AFF4: variants seen among roughly 807,000 people sequenced by gnomAD.
The protein encoded by AFF4 is ALF transcription elongation factor 4, also known as AF4/FMR2 family member 4.
Under a neutral mutation model 124.8 loss-of-function variants are expected in AFF4, and 13 were observed. The ratio of observed to expected loss-of-function variants is 0.10; its 90% confidence interval spans 0.07 to 0.17. The LOEUF (loss-of-function observed/expected upper bound fraction) is 0.17. Ranked by LOEUF, AFF4 falls within the 10% of genes least tolerant of loss-of-function variation. AFF4 has a pLI of 1.00. For synonymous variants in AFF4, 477 were observed against 496.1 expected (o/e 0.96, Z 0.51); for missense variants, 1,092 against 1,403.8 (o/e 0.78, Z 3.55).
intron 1 of AFF4, among the ~76,000 whole-genome samples, chr5:132,954,359 CAG>C (rs1439659003): frequency 1.3e-5 from 2 of 152,110 alleles, no homozygotes; most frequent in Non-Finnish European, 2.9e-5. Flanking sequence ...TGACTTGTGA[CAG>C]GGGTGGCTCA....
At chr5:132,882,068 C>T (rs906621711) in intron 20 of AFF4, among the ~76,000 whole-genome samples, 4 of 152,012 alleles carry the variant, frequency 2.6e-5, no homozygotes, top group Admixed American at 1.3e-4. Context: ...GAAAAATTAG[C>T]CAGGTGTGGT....
At chr5:132,949,936 T>A (rs911512216) in intron 1 of AFF4, among the ~76,000 whole-genome samples, 8 of 150,320 alleles carry the variant, frequency 5.3e-5, no homozygotes, top group Non-Finnish European at 1.0e-4. Context: ...GGCAGAAGGA[T>A]CACTGGAGCC....
rs201198567 is a variant in AFF4 at position 132,898,334 on chromosome 5, T to C, written c.1285A>G (p.Ser429Gly). ...CTGCTTTCAGATCCACTGTGGCTAC[T>C]AGAATCATCCCTGGAGTTATCTGCT... ...EGADNSRDDS[S>G]SHSGSESSSG... Residue 429 changes from serine to glycine, a missense_variant, in exon 10 of 21, where the codon AGT becomes GGT. Physicochemically the swap from Ser to Gly is moderately conservative, Grantham distance 56. Transcript: ENST00000265343. The C allele has an allele frequency of 4.3e-6, 7 of 1,614,108 alleles. No homozygotes were observed. The highest frequency in any genetic ancestry group is 1.3e-5 in the African/African-American group (1 of 74,942).
chr5:132,960,231 TA>T (rs1561516810), intron 1 of AFF4, among the ~76,000 whole-genome samples: 1 of 152,062 alleles, frequency 6.6e-6, no homozygotes, highest in Admixed American at 6.6e-5. Flanking sequence ...AGGGAATGGG[TA>T]AAACATAATA....
chr5:132,941,551 G>A (rs1213307802), intron 1 of AFF4, among the ~76,000 whole-genome samples: 1 of 152,002 alleles, frequency 6.6e-6, no homozygotes, highest in Non-Finnish European at 1.5e-5. Context: ...GCCCAGGCTG[G>A]TCTCCAACTC....
rs1165198702 is a variant in AFF4 at position 132,889,136 on chromosome 5, G to C, written c.2675C>G (p.Ser892Cys). 2 of 1,614,100 alleles carry C rather than the reference G, an allele frequency of 1.2e-6. No individual in the cohort carries two copies. Among genetic ancestry groups the C allele is most frequent in the East Asian group, 4.5e-5 (2 of 44,886 alleles). ...CTTAGAAGAATCAAGAGTTGGTGCAGATGGAGGACAGTTAGAGGAGCTACT... is the reference window on the plus strand; with the variant it reads ...CTTAGAAGAATCAAGAGTTGGTGCACATGGAGGACAGTTAGAGGAGCTACT... ...APSSSSNCPP[S>C]APTLDSSKPR... Residue 892 changes from serine to cysteine, a missense_variant, in exon 14 of 21, where the codon TCT (serine) becomes TGT (cysteine). Ser to Cys is a moderately radical substitution (Grantham distance 112). Around this residue, in one of 11 missense-constraint regions of AFF4, gnomAD observed 293 missense variants for 280.2 expected, o/e 1.05. Transcript: ENST00000265343.
At position 132,935,924 on chromosome 5, in the gene AFF4, TA is replaced by T. The variant is rs750757510; in HGVS notation, c.124-984del. Among the ~76,000 whole-genome samples, 697 of 133,458 alleles carry T rather than the reference TA, an allele frequency of 5.2e-3. 3 individuals are homozygous for T. Among genetic ancestry groups the T allele is most frequent in the African/African-American group, 9.6e-3 (348 of 36,372 alleles). 87.6% of individuals were successfully genotyped at this position (133,458 alleles called of 152,430 possible). A position where few individuals can be genotyped will look rare whatever the true frequency, so the allele number is the denominator to read the frequency against. On this transcript the variant is annotated intron_variant, in intron 2 of 20. Coordinates refer to ENST00000265343, the MANE Select transcript of AFF4 (RefSeq NM_014423.4). ...GACGAAAGAACAAGATTCCTTCTCA[TA>T]AAAAAAAAAAAAAACTTTTGAAGAA...
intron 1 of AFF4, among the ~76,000 whole-genome samples, chr5:132,947,797 T>C (rs753675862): frequency 6.6e-6 from 1 of 152,150 alleles, no homozygotes; most frequent in Non-Finnish European, 1.5e-5. Flanking sequence ...GAAACAAAGG[T>C]TGTACACCTA....
intron 1 of AFF4, among the ~76,000 whole-genome samples, chr5:132,955,518 C>T (rs915210781): frequency 2.6e-5 from 4 of 152,058 alleles, no homozygotes; most frequent in Non-Finnish European, 4.4e-5. Flanking sequence ...GCGACTTATG[C>T]CTGTAATCTG....
Position 132,934,508 on chromosome 5 carries a change from G to C in AFF4, c.557C>G (p.Ala186Gly). The change falls in exon 3 of 21, where the codon GCT becomes GGT. Residue 186 changes from alanine (A) to glycine (G), a missense_variant. By Grantham distance (60) the Ala-to-Gly change is moderately conservative (BLOSUM62 0). This residue lies in a region of AFF4 where 188 missense variants were observed against 203.0 expected (regional missense o/e 0.93). Coordinates refer to ENST00000265343, the MANE Select transcript of AFF4 (RefSeq NM_014423.4). ...SRSSSPGKPQ[A>G]VSSLNSSHSR... is the part of the protein sequence containing the mutation. Reference sequence around the variant, plus strand: ...ATGACTAGAGTTTAATGAAGAAACAGCCTGGGGTTTTCCAGGGCTGGAAGA... The same window carrying C: ...ATGACTAGAGTTTAATGAAGAAACACCCTGGGGTTTTCCAGGGCTGGAAGA... 1.2e-6 allele frequency: 2 copies of C among 1,614,174 alleles called. No individual in the cohort carries two copies. Among genetic ancestry groups the C allele is most frequent in the Non-Finnish European group, 1.7e-6 (2 of 1,180,026 alleles).
rs774965156 is a variant in AFF4 at position 132,880,994 on chromosome 5, A to G, written c.*65T>C. The G allele has an allele frequency of 4.5e-6, 7 of 1,566,336 alleles. No individual in the cohort carries two copies. Among genetic ancestry groups the G allele is most frequent in the Non-Finnish European group, 5.2e-6 (6 of 1,157,162 alleles). Reference sequence around the variant, plus strand: ...TGTCGACTAGGTGGTATGTTATGGCAGTTTTCCTTCGTGATGTGACACAGT... The same window carrying G: ...TGTCGACTAGGTGGTATGTTATGGCGGTTTTCCTTCGTGATGTGACACAGT... On this transcript the variant is annotated 3_prime_UTR_variant, in exon 21 of 21. Transcript: ENST00000265343.
chr5:132,920,932 C>A (rs965116364), intron 5 of AFF4, among the ~76,000 whole-genome samples: 7 of 152,058 alleles, frequency 4.6e-5, no homozygotes, highest in Admixed American at 2.0e-4. Flanking sequence ...TCGAGACCAT[C>A]CTGACTAACA....
At chr5:132,922,628 A>C (rs1006737614) in intron 5 of AFF4, among the ~76,000 whole-genome samples, 1 of 150,590 alleles carries the variant, frequency 6.6e-6, no homozygotes, top group African/African-American at 2.4e-5. Context: ...AAAAATACAA[A>C]AATTAGCTAG....
chr5:132,934,813 T>C lies in AFF4; in HGVS notation c.252A>G (p.Pro84=). 6.2e-7 allele frequency: 1 copy of C among 1,614,154 alleles called. No homozygotes were observed. The highest frequency in any genetic ancestry group is 8.5e-7 in the Non-Finnish European group (1 of 1,180,022). The part of the protein sequence containing the change: ...LVAIPKPTVP[P]SADEKSNPNF... ...TTGGGTTAGATTTTTCATCTGCTGA[T>C]GGTGGTACTGTAGGCTTGGGAATTG... The change falls in exon 3 of 21, where the codon CCA becomes CCG. Residue 84 remains proline (P), a synonymous_variant. Transcript: ENST00000265343.
intron 8 of AFF4, 88 bp from the exon 9 acceptor site, chr5:132,899,229 A>C: frequency 7.8e-7 from 1 of 1,289,826 alleles, no homozygotes; most frequent in Non-Finnish European, 1.1e-6. Flanking sequence ...TCTTAACAGA[A>C]AAAACTGGAT....
intron 4 of AFF4, among the ~76,000 whole-genome samples, chr5:132,930,002 T>C (rs1581314054): frequency 1.3e-5 from 2 of 152,104 alleles, no homozygotes; most frequent in African/African-American, 2.4e-5. Flanking sequence ...TGCAACTACA[T>C]AGAACATGAG....
At chr5:132,917,713 T>TTC (rs1561494327) in intron 5 of AFF4, among the ~76,000 whole-genome samples, 3 of 134,294 alleles carry the variant, frequency 2.2e-5, no homozygotes, top group African/African-American at 5.6e-5. Flanking sequence ...TTCTTTTTTT[T>TTC]TTTTTTTTTT....
intron 1 of AFF4, among the ~76,000 whole-genome samples, chr5:132,961,359 G>A (rs984235708): frequency 2.6e-5 from 4 of 152,086 alleles, no homozygotes; most frequent in Non-Finnish European, 5.9e-5. Context: ...TAGAACTACA[G>A]GTGTGCACCA....
chr5:132,946,171 G>A (rs1281365918), intron 1 of AFF4, among the ~76,000 whole-genome samples: 1 of 152,154 alleles, frequency 6.6e-6, no homozygotes, highest in East Asian at 1.9e-4. Flanking sequence ...AAAATAACAC[G>A]TGTTGGTGAG....
Sources: allele counts gnomAD v4.1 joint callset (sites outside exome capture counted in the v4.1 genomes callset), GRCh38; gene constraint gnomAD v4.1.1; regional missense constraint gnomAD v4.1.1; transcripts MANE v1.5; gene names NCBI Gene and HGNC (gene_info 2026-07-23, HGNC 2026-07-21).